The following TMEM135 variants were observed in gnomAD, a reference collection of about 807,000 sequenced individuals.
The protein encoded by TMEM135 is transmembrane protein 135.
A neutral mutation model predicts 60.3 loss-of-function variants in TMEM135; 30 were observed. That is an observed-to-expected ratio of 0.50 (90% CI 0.37 to 0.68). The LOEUF is 0.68. Among genes scored for constraint, TMEM135 ranks in the 30% least tolerant of loss-of-function variants. The pLI, the probability that TMEM135 is intolerant of heterozygous loss-of-function variation, is 0.00. For synonymous variants in TMEM135, 190 were observed against 186.7 expected (o/e 1.02, Z -0.14); for missense variants, 468 against 548.8 (o/e 0.85, Z 1.47).
intron 6 of TMEM135, chr11:87,277,050 T>C (rs1941981532): frequency 6.5e-6 from 1 of 152,740 alleles, no homozygotes; most frequent in Non-Finnish European, 1.5e-5. Flanking sequence ...TATGAATTTT[T>C]AGGATTAATA....
Position 87,045,251 on chromosome 11 carries a change from C to T in TMEM135, c.141+7065C>T, listed in dbSNP as rs537890828. Among the ~76,000 whole-genome samples, 26 of 151,916 alleles carry T rather than the reference C, an allele frequency of 1.7e-4. 1 individual carries two copies. Among genetic ancestry groups the T allele is most frequent in the African/African-American group, 5.6e-4 (23 of 41,372 alleles). On this transcript the variant is annotated intron_variant, in intron 1 of 14. Coordinates refer to ENST00000305494, the MANE Select transcript of TMEM135 (RefSeq NM_022918.4). ...TTCACTCTGTTAGCCAGGATGGTCT[C>T]GATCTCCTGACCTTGTGATCCGCCC...
At chr11:87,257,010 T>A (rs1283734707) in intron 6 of TMEM135, among the ~76,000 whole-genome samples, 1 of 152,220 alleles carries the variant, frequency 6.6e-6, no homozygotes, top group Middle Eastern at 3.2e-3. Context: ...TATATGCCTT[T>A]GTATTTCCAT....
At chr11:87,306,830 C>T (rs1212132967) in intron 9 of TMEM135, among the ~76,000 whole-genome samples, 1 of 152,028 alleles carries the variant, frequency 6.6e-6, no homozygotes, top group Non-Finnish European at 1.5e-5. Context: ...GCACTTCTCC[C>T]ATCTCATCCT....
Position 87,325,047 on chromosome 11 carries a change from C to A in TMEM135, c.*3714C>A. 1 of 454,004 alleles carries A rather than the reference C, an allele frequency of 2.2e-6. No individual in the cohort carries two copies. The highest frequency in any genetic ancestry group is 4.4e-6 in the Non-Finnish European group (1 of 226,774). 28.1% of individuals were successfully genotyped at this position (454,004 alleles called of 1,614,324 possible). On this transcript the variant is annotated 3_prime_UTR_variant, in exon 15 of 15. Coordinates refer to ENST00000305494, the MANE Select transcript of TMEM135 (RefSeq NM_022918.4). Reference sequence around the variant, plus strand: ...TGCCTCCAGCCCTTTACTATTGGTGCTGAAGCCACCATTGGTGCCAGCTCT... The same window carrying A: ...TGCCTCCAGCCCTTTACTATTGGTGATGAAGCCACCATTGGTGCCAGCTCT...
In TMEM135 at chr11:87,270,810, A is replaced by G. The variant is rs973415128; in HGVS notation, c.510-24972A>G. ...GCAATTTTATATGTAATTTTGGCTT[A>G]TAGGACTTATCAAACTTTTCCTCTA... On this transcript the variant is annotated intron_variant, in intron 6 of 14. Transcript: ENST00000305494. Among the ~76,000 whole-genome samples the G allele has an allele frequency of 2.6e-5, 4 of 152,190 alleles. No individual in the cohort carries two copies. The South Asian group carries it at 8.3e-4, about 32-fold the overall frequency.
intron 3 of TMEM135, among the ~76,000 whole-genome samples, chr11:87,087,067 A>T (rs1295023665): frequency 6.6e-6 from 1 of 152,188 alleles, no homozygotes; most frequent in Non-Finnish European, 1.5e-5. Flanking sequence ...GGGAGCCATC[A>T]TTTGAGGCTC....
chr11:87,207,679 G>A (rs963654637), intron 5 of TMEM135, among the ~76,000 whole-genome samples: 2 of 152,144 alleles, frequency 1.3e-5, no homozygotes, highest in African/African-American at 4.8e-5. Flanking sequence ...ATTTAACACT[G>A]TCATTTTCTA....
chr11:87,287,705 GTA>G (rs1942193324), intron 6 of TMEM135, among the ~76,000 whole-genome samples: 1 of 152,110 alleles, frequency 6.6e-6, no homozygotes, highest in Admixed American at 6.6e-5. Flanking sequence ...ATAAATGTAT[GTA>G]TGTATGTATG....
chr11:87,188,790 G>A (rs745377987), intron 5 of TMEM135, among the ~76,000 whole-genome samples: 9 of 151,592 alleles, frequency 5.9e-5, no homozygotes, highest in Non-Finnish European at 1.2e-4. Flanking sequence ...AGTAAAAAAC[G>A]AGTATCCCTG....
intron 3 of TMEM135, among the ~76,000 whole-genome samples, chr11:87,083,451 A>G (rs1476707968): frequency 1.3e-5 from 2 of 152,240 alleles, no homozygotes; most frequent in Non-Finnish European, 2.9e-5. Context: ...CAGTGTGCTC[A>G]AACATGAACA....
chr11:87,239,038 A>G (rs970172906), intron 6 of TMEM135, among the ~76,000 whole-genome samples: 6 of 152,050 alleles, frequency 3.9e-5, no homozygotes, highest in African/African-American at 1.4e-4. Flanking sequence ...GCATGGGTCT[A>G]GGAAATTATG....
chr11:87,279,537 G>A (rs1010375816), intron 6 of TMEM135, among the ~76,000 whole-genome samples: 1 of 152,114 alleles, frequency 6.6e-6, no homozygotes, highest in Non-Finnish European at 1.5e-5. Context: ...TTTTACAGGT[G>A]GAGAAACAGG....
intron 2 of TMEM135, among the ~76,000 whole-genome samples, chr11:87,070,766 A>G (rs1531144): frequency 0.1 from 15,187 of 152,254 alleles, 854 homozygotes; most frequent in East Asian, 0.18. Context: ...TACATGAAAA[A>G]TGATGTACAC....
chr11:87,045,408 G>C (rs140858932), intron 1 of TMEM135, among the ~76,000 whole-genome samples: 26 of 152,176 alleles, frequency 1.7e-4, no homozygotes, highest in African/African-American at 5.8e-4. Context: ...CTAGCATGTC[G>C]CTTCCAGTTG....
At chr11:87,248,652 A>G (rs1591137896) in intron 6 of TMEM135, among the ~76,000 whole-genome samples, 1 of 152,052 alleles carries the variant, frequency 6.6e-6, no homozygotes, top group African/African-American at 2.4e-5. Context: ...TTCTATGAAG[A>G]CTGTCATTGA....
At chr11:87,120,988 G>T (rs1299468981) in intron 4 of TMEM135, 2 of 152,150 alleles carry the variant, frequency 1.3e-5, no homozygotes, top group African/African-American at 4.8e-5. Context: ...GAAGCTCAAG[G>T]TTTAGTGAGA....
intron 5 of TMEM135, among the ~76,000 whole-genome samples, chr11:87,218,130 G>A (rs1276314366): frequency 1.3e-5 from 2 of 152,054 alleles, no homozygotes; most frequent in African/African-American, 2.4e-5. Context: ...AAAGGCCAGC[G>A]ATGCTACTAA....
At chr11:87,311,712 A>G (rs749623948) in intron 10 of TMEM135, among the ~76,000 whole-genome samples, 2 of 152,054 alleles carry the variant, frequency 1.3e-5, no homozygotes, top group Non-Finnish European at 2.9e-5. Flanking sequence ...CAAAAATTGT[A>G]TGTGATTTTT....
chr11:87,182,166 A>G (rs905213659), intron 5 of TMEM135, among the ~76,000 whole-genome samples: 1 of 152,078 alleles, frequency 6.6e-6, no homozygotes, highest in African/African-American at 2.4e-5. Flanking sequence ...GTGTGTTTGC[A>G]TTTCAAATGA....
Sources: gnomAD v4.1 joint callset for allele counts (sites outside exome capture counted in the v4.1 genomes callset) on GRCh38, gnomAD v4.1.1 for gene constraint, MANE v1.5 for transcripts, NCBI Gene and HGNC (gene_info 2026-07-23, HGNC 2026-07-21) for gene names.